The following WWOX variants were observed in gnomAD, a reference collection of about 807,000 sequenced individuals.
The protein encoded by WWOX is WW domain-containing oxidoreductase.
Under a neutral mutation model 46.2 loss-of-function variants are expected in WWOX, and 69 were observed. The observed-to-expected ratio is 1.49, with a 90% CI of 1.23 to 1.82. WWOX has a LOEUF of 1.82. Ranked by LOEUF, WWOX falls within the 40% of genes most tolerant of loss-of-function variation. The pLI is 0.00. For missense variants in WWOX, 919 were observed against 542.6 expected (o/e 1.69, Z -6.89); for synonymous variants, 359 against 202.6 (o/e 1.77, Z -6.56).
chr16:78,843,418 T>C (rs1231241041), intron 8 of WWOX, among the ~76,000 whole-genome samples: 1 of 150,088 alleles, frequency 6.7e-6, no homozygotes, highest in Non-Finnish European at 1.5e-5. Context: ...CCCATTCCTA[T>C]GCTGCTAAGA....
At chr16:78,734,841 C>CTTTTCTTTTTT in intron 8 of WWOX, among the ~76,000 whole-genome samples, 1 of 40,086 alleles carries the variant, frequency 2.5e-5, no homozygotes, top group Non-Finnish European at 4.7e-5. Flanking sequence ...GACTTCAGTC[C>CTTTTCTTTTTT]TTTTTTTTTT....
chr16:78,224,196 G>A (rs1367916442), intron 5 of WWOX, among the ~76,000 whole-genome samples: 1 of 151,930 alleles, frequency 6.6e-6, no homozygotes, highest in Non-Finnish European at 1.5e-5. Flanking sequence ...GTAGAGATGG[G>A]GTTTCACCAC....
intron 8 of WWOX, among the ~76,000 whole-genome samples, chr16:78,458,557 G>A (rs988496728): frequency 1.3e-5 from 2 of 151,950 alleles, no homozygotes; most frequent in African/African-American, 2.4e-5. Context: ...CACCATGTCA[G>A]GCCATTGGTA....
intron 5 of WWOX, 54 bp downstream of exon 5, chr16:78,164,343 T>C: frequency 6.6e-7 from 1 of 1,504,054 alleles, no homozygotes; most frequent in Non-Finnish European, 9.2e-7. Flanking sequence ...CATGCCGGGC[T>C]AACCATATGG....
chr16:79,025,027 T>G (rs555377142), intron 8 of WWOX, among the ~76,000 whole-genome samples: 3 of 152,178 alleles, frequency 2.0e-5, no homozygotes, highest in Non-Finnish European at 4.4e-5. Context: ...CCAGGCCCAG[T>G]TGGGGAGGAC....
At chr16:79,134,458 G>A (rs983924787) in intron 8 of WWOX, among the ~76,000 whole-genome samples, 2 of 152,170 alleles carry the variant, frequency 1.3e-5, no homozygotes, top group African/African-American at 4.8e-5. Flanking sequence ...GTTGGAGGGA[G>A]CTATGTGCAG....
At chr16:79,056,990 G>A (rs750296669) in intron 8 of WWOX, among the ~76,000 whole-genome samples, 1 of 152,150 alleles carries the variant, frequency 6.6e-6, no homozygotes. Context: ...AATGTCATTG[G>A]CATTATCGTT....
intron 8 of WWOX, among the ~76,000 whole-genome samples, chr16:78,489,936 G>C (rs2084738250): frequency 6.6e-6 from 1 of 152,206 alleles, no homozygotes; most frequent in African/African-American, 2.4e-5. Context: ...ACTGGGGTAA[G>C]CTCTAACAAA....
At chr16:78,588,079 T>C (rs2045261972) in intron 8 of WWOX, among the ~76,000 whole-genome samples, 1 of 152,168 alleles carries the variant, frequency 6.6e-6, no homozygotes, top group South Asian at 2.1e-4. Context: ...AGCCCTGCTT[T>C]GTGGCCCTAA....
At chr16:79,054,734 G>C (rs1258234889) in intron 8 of WWOX, among the ~76,000 whole-genome samples, 3 of 152,156 alleles carry the variant, frequency 2.0e-5, no homozygotes, top group Non-Finnish European at 4.4e-5. Flanking sequence ...GGTGAGGCGA[G>C]AGGATTGTTT....
chr16:78,592,099 A>G (rs1196018667), intron 8 of WWOX, among the ~76,000 whole-genome samples: 1 of 152,160 alleles, frequency 6.6e-6, no homozygotes, highest in Non-Finnish European at 1.5e-5. Context: ...AGCTGCAGTC[A>G]ATATCCATTT....
intron 5 of WWOX, among the ~76,000 whole-genome samples, chr16:78,176,097 C>T (rs772274618): frequency 3.9e-5 from 6 of 152,146 alleles, no homozygotes; most frequent in Admixed American, 6.5e-5. Flanking sequence ...GTAAGTTCTC[C>T]CTCATATTGA....
intron 8 of WWOX, among the ~76,000 whole-genome samples, chr16:78,726,133 CTCTT>C (rs1205484080): frequency 6.9e-6 from 1 of 144,120 alleles, no homozygotes; most frequent in Non-Finnish European, 1.5e-5. Context: ...CTCTCCCTCT[CTCTT>C]TTTCTCTTTC....
intron 8 of WWOX, chr16:79,017,310 G>T (rs1346151698): frequency 1.3e-5 from 2 of 151,572 alleles, no homozygotes; most frequent in Non-Finnish European, 2.9e-5. Flanking sequence ...GGCACCTGTA[G>T]TCCCAGCTAC....
intron 8 of WWOX, among the ~76,000 whole-genome samples, chr16:78,970,644 C>G (rs374753365): frequency 3.3e-5 from 5 of 152,084 alleles, no homozygotes; most frequent in Non-Finnish European, 7.4e-5. Context: ...TAGTGTAATG[C>G]CAGAATCATG....
chr16:78,761,383 A>G (rs1244387050), intron 8 of WWOX, among the ~76,000 whole-genome samples: 1 of 152,084 alleles, frequency 6.6e-6, no homozygotes, highest in Non-Finnish European at 1.5e-5. Flanking sequence ...ACTCTTTAGC[A>G]TTTACATTTT....
chr16:78,385,419 TGAAC>T (rs1889353472), intron 5 of WWOX, among the ~76,000 whole-genome samples: 1 of 152,218 alleles, frequency 6.6e-6, no homozygotes, highest in South Asian at 2.1e-4. Context: ...TAGGAACTTA[TGAAC>T]ATGTATCGTT....
chr16:78,933,259 C>T (rs1279105510), intron 8 of WWOX, among the ~76,000 whole-genome samples: 2 of 152,142 alleles, frequency 1.3e-5, no homozygotes, highest in Non-Finnish European at 2.9e-5. Context: ...ACCAACTTGG[C>T]AAAACCCAGT....
At chr16:78,549,307 G>A (rs2044121395) in intron 8 of WWOX, among the ~76,000 whole-genome samples, 1 of 152,162 alleles carries the variant, frequency 6.6e-6, no homozygotes, top group South Asian at 2.1e-4. Context: ...AATAAATTCT[G>A]GGGAGCGTTC....
Sources: allele counts gnomAD v4.1 joint callset (sites outside exome capture counted in the v4.1 genomes callset), GRCh38; gene constraint gnomAD v4.1.1; transcripts MANE v1.5; gene names NCBI Gene and HGNC (gene_info 2026-07-23, HGNC 2026-07-21).